The following GRAMD2A variants were observed in gnomAD, a reference collection of about 807,000 sequenced individuals.
GRAMD2A encodes the protein GRAM domain-containing protein 2A.
GRAMD2A carries 37 observed loss-of-function variants against 51.1 expected under a neutral mutation model. The ratio of observed to expected loss-of-function variants is 0.72; its 90% CI spans 0.56 to 0.95. The LOEUF (loss-of-function observed/expected upper bound fraction) is 0.95, where lower values mean the gene tolerates loss of function less well. GRAMD2A is among the 40% of genes least tolerant of loss of function. GRAMD2A has a pLI of 0.00. For synonymous variants in GRAMD2A, 136 were observed against 157.1 expected (o/e 0.87, Z 1.01); for missense variants, 414 against 426.9 (o/e 0.97, Z 0.27).
chr15:72,175,289 C>T (rs1438209742), intron 1 of GRAMD2A, among the ~76,000 whole-genome samples: 9 of 152,178 alleles, frequency 5.9e-5, no homozygotes, highest in Admixed American at 6.5e-5. Flanking sequence ...AAACTGCCTC[C>T]GGCTGTGCGG....
rs760429882 is a variant in GRAMD2A, at chr15:72,163,429, A to G, written c.793T>C (p.Trp265Arg). The change falls in exon 10 of 12, where the codon TGG becomes CGG. Residue 265 changes from tryptophan (W) to arginine (R), a missense_variant. By Grantham distance (101) the Trp-to-Arg change is moderately radical. Transcript: ENST00000309731. ...GCAGGACCCCAGCCTGGCATGGGCC[A>G]TGCCCACCTCCCACCATTTTCTGAA... is the stretch of plus-strand genomic sequence containing the variant. Reference protein sequence around the residue: ...VASENGGRWAWPMPGWGPACP... With the variant: ...VASENGGRWARPMPGWGPACP... 3.8e-5 allele frequency: 62 copies of G among 1,614,030 alleles called. No homozygotes were observed. The highest frequency in any genetic ancestry group is 4.8e-5 in the Non-Finnish European group (57 of 1,180,002).
At chr15:72,162,117 G>A in intron 11 of GRAMD2A, 105 bp from the exon 12 acceptor site, 1 of 1,440,068 alleles carries the variant, frequency 6.9e-7, no homozygotes, top group Non-Finnish European at 9.8e-7. Context: ...GTGGGCCAGG[G>A]TGGGACTGGT....
At chr15:72,188,764 C>T (rs2081750043) in intron 1 of GRAMD2A, among the ~76,000 whole-genome samples, 1 of 151,958 alleles carries the variant, frequency 6.6e-6, no homozygotes, top group Admixed American at 6.6e-5. Flanking sequence ...CTCACTGCAA[C>T]CTCCGACCCC....
At position 72,162,235 on chromosome 15, in the gene GRAMD2A, C is replaced by T. The variant is rs757057084; in HGVS notation, c.1061+38G>A. On this transcript the variant is annotated intron_variant, in intron 11 of 11. Transcript: ENST00000309731. ...AGGTTCTTGGCTCCTGTCCTCAACC[C>T]TCAATATCAAAGGCATTAGAAAGAG... 3 of 1,509,864 alleles carry T rather than the reference C, an allele frequency of 2.0e-6. No homozygotes were observed. The East Asian group carries it at 6.8e-5, about 34-fold the overall frequency. 93.5% of individuals were successfully genotyped at this position (1,509,864 alleles called of 1,614,324 possible).
chr15:72,176,774 T>G (rs2081655986), intron 1 of GRAMD2A, among the ~76,000 whole-genome samples: 1 of 148,604 alleles, frequency 6.7e-6, no homozygotes, highest in South Asian at 2.2e-4. Flanking sequence ...TCAGCTCACC[T>G]CCTACTTCAG....
intron 1 of GRAMD2A, among the ~76,000 whole-genome samples, chr15:72,178,568 CTTTTTTTTTTTTTT>C (rs537075334): frequency 2.4e-5 from 2 of 84,200 alleles, no homozygotes; most frequent in African/African-American, 4.7e-5. Context: ...CTTGCACTTT[CTTTTTTTTTTTTTT>C]TTTTTTTTTT....
chr15:72,181,674 T>C (rs972575889), intron 1 of GRAMD2A, among the ~76,000 whole-genome samples: 9 of 152,256 alleles, frequency 5.9e-5, no homozygotes, highest in Admixed American at 5.9e-4. Context: ...TCCAGATTTC[T>C]GGCTTAAGCG....
At chr15:72,167,694 TC>T in intron 5 of GRAMD2A, 41 bp downstream of exon 5, 1 of 1,460,794 alleles carries the variant, frequency 6.8e-7, no homozygotes, top group East Asian at 2.3e-5. Flanking sequence ...GGAGGCTGGC[TC>T]CCCTCACAGG....
chr15:72,197,481 C>T (rs745766660), intron 1 of GRAMD2A, among the ~76,000 whole-genome samples: 4 of 152,166 alleles, frequency 2.6e-5, no homozygotes, highest in Non-Finnish European at 5.9e-5. Context: ...CCCTCATCCC[C>T]CAGGTCGCAG....
intron 1 of GRAMD2A, 148 bp downstream of exon 1, chr15:72,197,583 G>T (rs995833567): frequency 5.5e-6 from 3 of 546,256 alleles, no homozygotes; most frequent in Admixed American, 5.1e-5. Context: ...CCCGGAGCCC[G>T]CATTCCGGCG....
At chr15:72,165,274 GC>G in intron 8 of GRAMD2A, 79 bp downstream of exon 8, 4 of 1,293,412 alleles carry the variant, frequency 3.1e-6, no homozygotes, top group Non-Finnish European at 3.3e-6. Flanking sequence ...TGCATTGTGG[GC>G]CCCCCTAGGA....
intron 1 of GRAMD2A, among the ~76,000 whole-genome samples, chr15:72,186,041 G>C (rs1032750305): frequency 6.6e-6 from 1 of 152,158 alleles, no homozygotes; most frequent in Non-Finnish European, 1.5e-5. Flanking sequence ...GTGGACAAAG[G>C]ATTGGTATTC....
In GRAMD2A at chr15:72,168,559, A is replaced by G; in HGVS notation, c.200T>C (p.Leu67Pro). 1 of 1,613,522 alleles carries G rather than the reference A, an allele frequency of 6.2e-7. No homozygotes were observed. The highest frequency in any genetic ancestry group is 8.5e-7 in the Non-Finnish European group (1 of 1,179,562). ...IKKCGREGIT[L>P]NKYNQQYHKL... is the part of the protein sequence containing the mutation. The stretch of plus-strand genomic sequence containing the variant: ...GTGGTATTGCTGGTTGTATTTATTC[A>G]GTGTTATCTGCAAACACACAGGCTG... Residue 67 changes from leucine (L) to proline (P), a missense_variant, in exon 4 of 12, where the codon CTG (leucine) becomes CCG (proline). Physicochemically the swap from Leu to Pro is moderately conservative, Grantham distance 98. Coordinates refer to ENST00000309731, the MANE Select transcript of GRAMD2A (RefSeq NM_001012642.3).
rs116890791 is a variant in GRAMD2A at position 72,166,612 on chromosome 15, C to A, written c.543+20G>T. The A allele has an allele frequency of 1.2e-6, 2 of 1,604,774 alleles. No homozygotes were observed. Among genetic ancestry groups the A allele is most frequent in the East Asian group, 4.5e-5 (2 of 44,840 alleles). On this transcript the variant is annotated intron_variant, in intron 7 of 11. Transcript: ENST00000309731. The surrounding 1 kb of genome is among the most constrained non-coding windows in gnomAD (Gnocchi z 4.1). ...AGGCCTGAGCGACTTCCCTGGCCTTCCTGCTCCCAAGCTCCATACCTGTAG... is the reference window on the plus strand; with the variant it reads ...AGGCCTGAGCGACTTCCCTGGCCTTACTGCTCCCAAGCTCCATACCTGTAG...
intron 1 of GRAMD2A, among the ~76,000 whole-genome samples, chr15:72,184,006 G>A (rs1267567245): frequency 2.0e-5 from 3 of 152,242 alleles, no homozygotes; most frequent in African/African-American, 7.2e-5. Flanking sequence ...CCAGCTCAGC[G>A]CCACATCCCC....
chr15:72,168,410 G>C, intron 4 of GRAMD2A, 81 bp downstream of exon 4: 2 of 953,188 alleles, frequency 2.1e-6, no homozygotes, highest in Non-Finnish European at 3.4e-6. Context: ...TTTCTAAGTC[G>C]TGCTTTGGAG....
rs1270084815 is a variant in GRAMD2A, at chr15:72,179,373, G to A, written c.42-9434C>T. 6.6e-5 allele frequency among the ~76,000 whole-genome samples: 10 copies of A among 152,362 alleles called. 1 individual carries two copies. The highest frequency in any genetic ancestry group is 4.1e-4 in the South Asian group (2 of 4,830). ...CTAAGGAATCCTAACTGGGAAATCC[G>A]AGATGTGGAGGTATGCAGCCAGGAG... is the stretch of plus-strand genomic sequence containing the variant. On this transcript the variant is annotated intron_variant, in intron 1 of 11. Coordinates refer to ENST00000309731, the MANE Select transcript of GRAMD2A (RefSeq NM_001012642.3).
At chr15:72,192,132 A>T (rs996721341) in intron 1 of GRAMD2A, among the ~76,000 whole-genome samples, 1 of 152,246 alleles carries the variant, frequency 6.6e-6, no homozygotes, top group African/African-American at 2.4e-5. Flanking sequence ...TTGCTTCAGA[A>T]TAATCCAGGA....
Position 72,167,719 on chromosome 15 carries a change from T to C in GRAMD2A, c.372+17A>G. 1 of 1,588,804 alleles carries C rather than the reference T, an allele frequency of 6.3e-7. No individual in the cohort carries two copies. Among genetic ancestry groups the C allele is most frequent in the Non-Finnish European group, 8.6e-7 (1 of 1,157,078 alleles). ...TCCCCTCACAGGGTCATGGCAGCCC[T>C]CACCACTCATTACTACCTTGATATC... is the stretch of plus-strand genomic sequence containing the variant. On this transcript the variant is annotated intron_variant, in intron 5 of 11. Coordinates refer to ENST00000309731, the MANE Select transcript of GRAMD2A (RefSeq NM_001012642.3).
Sources: gnomAD v4.1 joint callset for allele counts (sites outside exome capture counted in the v4.1 genomes callset) on GRCh38, gnomAD v4.1.1 for gene constraint, Gnocchi (gnomAD v3.1) non-coding constraint, MANE v1.5 for transcripts, NCBI Gene and HGNC (gene_info 2026-07-23, HGNC 2026-07-21) for gene names.